Variants in SYT9 observed in about 807,000 individuals in gnomAD.
SYT9 encodes the protein synaptotagmin 9, also known as synaptotagmin-9.
A neutral mutation model predicts 48.4 loss-of-function variants in SYT9; 22 were observed. The ratio of observed to expected loss-of-function variants is 0.45; its 90% CI spans 0.32 to 0.65. SYT9 has a LOEUF of 0.65. Among genes scored for constraint, SYT9 ranks in the 30% least tolerant of loss-of-function variants. The pLI is 0.03. For missense variants in SYT9, 577 were observed against 622.0 expected, an observed-to-expected ratio of 0.93 and a Z score of 0.77; for synonymous variants, 265 against 245.0, an observed-to-expected ratio of 1.08 and a Z score of -0.76.
At chr11:7,399,157 A>T (rs1349430141) in intron 3 of SYT9, among the ~76,000 whole-genome samples, 1 of 152,190 alleles carries the variant, frequency 6.6e-6, no homozygotes, top group East Asian at 1.9e-4. Context: ...AATTCAAGTT[A>T]TTTGGAGAAA....
intron 6 of SYT9, chr11:7,438,855 C>T (rs542457072): frequency 3.5e-4 from 53 of 152,490 alleles, no homozygotes; most frequent in African/African-American, 1.1e-3. Flanking sequence ...GGATGTCGCA[C>T]TTCTGTTCAG....
intron 6 of SYT9, among the ~76,000 whole-genome samples, chr11:7,450,615 T>A (rs1483691590): frequency 1.3e-5 from 2 of 152,250 alleles, no homozygotes; most frequent in Non-Finnish European, 2.9e-5. Flanking sequence ...TTCCTCCATC[T>A]CTGCCTGTTG....
chr11:7,389,786 G>A (rs1850728814), intron 3 of SYT9, among the ~76,000 whole-genome samples: 1 of 151,888 alleles, frequency 6.6e-6, no homozygotes, highest in South Asian at 2.1e-4. Context: ...GAAGGCATAA[G>A]TACAAAGTAA....
chr11:7,411,612 T>C (rs1354313840), intron 3 of SYT9, among the ~76,000 whole-genome samples: 1 of 152,192 alleles, frequency 6.6e-6, no homozygotes, highest in African/African-American at 2.4e-5. Flanking sequence ...CCTTTATAGG[T>C]GACTAGACAC....
intron 6 of SYT9, among the ~76,000 whole-genome samples, chr11:7,423,711 T>C (rs562383060): frequency 6.6e-6 from 1 of 152,252 alleles, no homozygotes; most frequent in East Asian, 1.9e-4. Flanking sequence ...ATGTGTGTCA[T>C]GGAGAATAAG....
chr11:7,260,099 C>T (rs375530022), intron 1 of SYT9, among the ~76,000 whole-genome samples: 3 of 152,120 alleles, frequency 2.0e-5, no homozygotes, highest in African/African-American at 7.2e-5. Flanking sequence ...AGTTAAATTC[C>T]AAAAACATTT....
At chr11:7,253,144 C>G (rs977670623) in intron 1 of SYT9, among the ~76,000 whole-genome samples, 1 of 152,188 alleles carries the variant, frequency 6.6e-6, no homozygotes, top group African/African-American at 2.4e-5. Flanking sequence ...TCCTGAGGTC[C>G]CTGGGTCTCC....
At chr11:7,345,407 T>C (rs1849782701) in intron 3 of SYT9, among the ~76,000 whole-genome samples, 1 of 152,226 alleles carries the variant, frequency 6.6e-6, no homozygotes, top group East Asian at 1.9e-4. Context: ...GTCCAGATTT[T>C]TAGTTGTTTA....
intron 3 of SYT9, among the ~76,000 whole-genome samples, chr11:7,342,430 G>A (rs1453451518): frequency 6.6e-6 from 1 of 152,150 alleles, no homozygotes; most frequent in African/African-American, 2.4e-5. Context: ...AGGGGCTAAA[G>A]ACCCCATGGG....
intron 1 of SYT9, among the ~76,000 whole-genome samples, chr11:7,256,916 C>G (rs1209293721): frequency 6.6e-6 from 1 of 152,076 alleles, no homozygotes; most frequent in Non-Finnish European, 1.5e-5. Context: ...TCAAGAAAAG[C>G]TTTTTCTAGG....
intron 1 of SYT9, among the ~76,000 whole-genome samples, chr11:7,254,664 C>A (rs892724697): frequency 6.6e-6 from 1 of 152,170 alleles, no homozygotes; most frequent in African/African-American, 2.4e-5. Flanking sequence ...AAATGGATGA[C>A]TTCTTTTTCT....
chr11:7,264,121 C>A lies in SYT9; in HGVS notation c.145+11790C>A, dbSNP rs572464650. Among the ~76,000 whole-genome samples the A allele has an allele frequency of 3.9e-5, 6 of 152,068 alleles. No individual in the cohort carries two copies. The South Asian group carries it at 6.3e-4, about 16-fold the overall frequency. On this transcript the variant is annotated intron_variant, in intron 1 of 6. Transcript: ENST00000318881. ...GTTTGGGAATCTTGCAGAAGTTTGCCTTCTGATTGCTCTTGTATTCTTGGT... is the reference window on the plus strand; with the variant it reads ...GTTTGGGAATCTTGCAGAAGTTTGCATTCTGATTGCTCTTGTATTCTTGGT...
intron 6 of SYT9, among the ~76,000 whole-genome samples, chr11:7,437,096 C>A (rs1356687328): frequency 2.0e-5 from 3 of 152,208 alleles, no homozygotes; most frequent in African/African-American, 7.2e-5. Context: ...TGTAACTCTA[C>A]CCAGGCTTTC....
At chr11:7,410,563 T>C (rs994098382) in intron 3 of SYT9, among the ~76,000 whole-genome samples, 1 of 152,210 alleles carries the variant, frequency 6.6e-6, no homozygotes, top group Non-Finnish European at 1.5e-5. Flanking sequence ...GTATCATACC[T>C]CTTGCTGGAT....
At chr11:7,380,061 A>G (rs991815142) in intron 3 of SYT9, among the ~76,000 whole-genome samples, 2 of 152,262 alleles carry the variant, frequency 1.3e-5, no homozygotes, top group African/African-American at 4.8e-5. Flanking sequence ...CGAGAGATGA[A>G]TGGATAAAGA....
chr11:7,453,083 T>C (rs1484857212), intron 6 of SYT9, among the ~76,000 whole-genome samples: 2 of 150,990 alleles, frequency 1.3e-5, no homozygotes, highest in Non-Finnish European at 3.0e-5. Context: ...CGCCCGGCCC[T>C]GAAACTCCTT....
At position 7,252,114 on chromosome 11, in the gene SYT9, G is replaced by A; in HGVS notation, c.-73G>A. On this transcript the variant is annotated 5_prime_UTR_variant, in exon 1 of 7. Coordinates refer to ENST00000318881, the MANE Select transcript of SYT9 (RefSeq NM_175733.4). This position sits in a 1 kb window ranked among gnomAD's most constrained non-coding sequence, Gnocchi z 6.3. Reference sequence around the variant, plus strand: ...GAGCGCGGACGGCCCGGAGGCGGCGGCTCTGAGCTGGCAGGCGGAGGGCTG... The same window carrying A: ...GAGCGCGGACGGCCCGGAGGCGGCGACTCTGAGCTGGCAGGCGGAGGGCTG... 14 of 1,329,878 alleles carry A rather than the reference G, an allele frequency of 1.1e-5. No homozygotes were observed. Among genetic ancestry groups the A allele is most frequent in the Non-Finnish European group, 1.3e-5 (14 of 1,042,990 alleles). 82.4% of individuals were successfully genotyped at this position (1,329,878 alleles called of 1,614,324 possible).
At chr11:7,255,034 T>C (rs7933043) in intron 1 of SYT9, among the ~76,000 whole-genome samples, 79,500 of 151,650 alleles carry the variant, frequency 0.52, 20,971 homozygotes, top group Admixed American at 0.56. Context: ...TAAGTCACAG[T>C]TGGAACTGAA....
intron 3 of SYT9, among the ~76,000 whole-genome samples, chr11:7,415,172 C>T (rs573700459): frequency 6.6e-6 from 1 of 152,280 alleles, no homozygotes; most frequent in South Asian, 2.1e-4. Context: ...CTGTGAAAGG[C>T]AGGCAGCAGG....
Sources: allele counts gnomAD v4.1 joint callset (sites outside exome capture counted in the v4.1 genomes callset), GRCh38; gene constraint gnomAD v4.1.1; non-coding constraint Gnocchi (gnomAD v3.1); transcripts MANE v1.5; gene names NCBI Gene and HGNC (gene_info 2026-07-23, HGNC 2026-07-21).